FOCAD: variants seen among roughly 807,000 people sequenced by gnomAD.
FOCAD encodes the protein focadhesin.
A neutral mutation model predicts 225.6 loss-of-function variants in FOCAD; 198 were observed. The observed-to-expected ratio is 0.88, with a 90% CI of 0.78 to 0.99. The LOEUF (loss-of-function observed/expected upper bound fraction) is 0.99. Ranked by LOEUF, FOCAD falls within the 50% of genes least tolerant of loss-of-function variation. The pLI is 0.00. For synonymous variants in FOCAD, 897 were observed against 755.0 expected (o/e 1.19, Z -3.08); for missense variants, 2,713 against 2,123.6 (o/e 1.28, Z -5.46).
intron 2 of FOCAD, among the ~76,000 whole-genome samples, chr9:20,659,440 A>AAGAAAGAAAGAAAGAAAGACAGAC (rs71334544): frequency 9.8e-4 from 143 of 145,186 alleles, no homozygotes; most frequent in East Asian, 2.9e-3. Flanking sequence ...GAAAGAAAGA[A>AAGAAAGAAAGAAAGAAAGACAGAC]AGACAGACAG....
At chr9:20,850,715 G>A (rs1242422286) in intron 15 of FOCAD, among the ~76,000 whole-genome samples, 1 of 151,014 alleles carries the variant, frequency 6.6e-6, no homozygotes, top group Admixed American at 6.6e-5. Flanking sequence ...AATTTAAATT[G>A]GTATAATTGG....
chr9:20,929,013 T>A (rs1187094951), intron 26 of FOCAD: 1 of 164,028 alleles, frequency 6.1e-6, no homozygotes, highest in Non-Finnish European at 1.3e-5. Context: ...TTTGTTTTTC[T>A]GTTTTTTTGT....
chr9:20,789,211 G>T (rs547019183), intron 10 of FOCAD, 140 bp from the exon 11 acceptor site: 1 of 911,558 alleles, frequency 1.1e-6, no homozygotes, highest in East Asian at 2.6e-5. Flanking sequence ...GTGCAGAGAG[G>T]ATTTTGGCAG....
chr9:20,722,375 C>CA (rs1232798193), intron 4 of FOCAD, among the ~76,000 whole-genome samples: 1 of 152,222 alleles, frequency 6.6e-6, no homozygotes, highest in Non-Finnish European at 1.5e-5. Context: ...ACCAGCATGG[C>CA]ATGCTCCTTC....
intron 28 of FOCAD, among the ~76,000 whole-genome samples, chr9:20,940,050 G>T (rs557309916): frequency 2.0e-5 from 3 of 152,120 alleles, no homozygotes; most frequent in East Asian, 1.9e-4. Flanking sequence ...AACATGCTGC[G>T]TTTGGTTTTC....
At chr9:20,842,541 C>T (rs1348367163) in intron 15 of FOCAD, among the ~76,000 whole-genome samples, 5 of 151,814 alleles carry the variant, frequency 3.3e-5, no homozygotes, top group Non-Finnish European at 7.4e-5. Flanking sequence ...TGTCATTGCT[C>T]CTGCTCTTTT....
intron 35 of FOCAD, chr9:20,957,641 T>C (rs1022350429): frequency 6.5e-5 from 9 of 139,520 alleles, no homozygotes; most frequent in African/African-American, 2.4e-4. Context: ...AGCCCAAAGA[T>C]AGATAGATAG....
At chr9:20,849,853 C>T (rs1161287594) in intron 15 of FOCAD, among the ~76,000 whole-genome samples, 3 of 151,798 alleles carry the variant, frequency 2.0e-5, no homozygotes, top group East Asian at 1.9e-4. Context: ...AAAAGAAGGC[C>T]TATCTCTACT....
chr9:20,892,339 C>T (rs1831684394), intron 21 of FOCAD, among the ~76,000 whole-genome samples: 2 of 152,112 alleles, frequency 1.3e-5, no homozygotes, highest in Non-Finnish European at 2.9e-5. Flanking sequence ...AGTGATTCCT[C>T]TGTTGGATCT....
chr9:20,761,371 G>A (rs1829578371), intron 6 of FOCAD, among the ~76,000 whole-genome samples: 1 of 151,968 alleles, frequency 6.6e-6, no homozygotes. Flanking sequence ...ACTTACTGAA[G>A]GTTTCTTGGC....
chr9:20,814,627 A>C (rs1823462229), intron 11 of FOCAD, among the ~76,000 whole-genome samples: 1 of 151,852 alleles, frequency 6.6e-6, no homozygotes, highest in Admixed American at 6.6e-5. Context: ...CAGAGTACTG[A>C]GATTACAGGC....
chr9:20,781,618 G>A, intron 9 of FOCAD, 109 bp from the exon 10 acceptor site: 1 of 853,626 alleles, frequency 1.2e-6, no homozygotes, highest in Non-Finnish European at 1.9e-6. Flanking sequence ...GTCTGACCCA[G>A]TTATAAAAGG....
intron 5 of FOCAD, among the ~76,000 whole-genome samples, chr9:20,748,908 C>T (rs1828299134): frequency 1.3e-5 from 2 of 152,076 alleles, no homozygotes. Context: ...ATATGTTCTT[C>T]TAATTGTAGA....
intron 22 of FOCAD, among the ~76,000 whole-genome samples, chr9:20,910,783 G>A (rs1037217066): frequency 2.0e-5 from 3 of 152,060 alleles, no homozygotes; most frequent in Admixed American, 6.6e-5. Flanking sequence ...CCATGGATCT[G>A]AGTAAATAGC....
intron 15 of FOCAD, among the ~76,000 whole-genome samples, chr9:20,838,393 G>C (rs1271906117): frequency 2.6e-5 from 4 of 151,896 alleles, no homozygotes; most frequent in African/African-American, 7.3e-5. Flanking sequence ...TGTTCTCTGG[G>C]GGAGAACATT....
intron 16 of FOCAD, 113 bp downstream of exon 16, chr9:20,862,825 G>A (rs1421358584): frequency 1.1e-5 from 14 of 1,249,738 alleles, no homozygotes; most frequent in Non-Finnish European, 1.5e-5. Flanking sequence ...GTTGTTCTGA[G>A]ACCATGTTGA....
In FOCAD at chr9:20,839,284, G is replaced by T. The variant is rs563049779; in HGVS notation, c.1920+16169G>T. Among the ~76,000 whole-genome samples, 4 of 141,316 alleles carry T rather than the reference G, an allele frequency of 2.8e-5. No individual in the cohort carries two copies. In the South Asian group the frequency reaches 6.7e-4, roughly 24 times the overall value. 92.7% of individuals were successfully genotyped at this position (141,316 alleles called of 152,430 possible). A position where few individuals can be genotyped will look rare whatever the true frequency, so the allele number is the denominator to read the frequency against. ...CTTTTTTTTTTTTTTTTTGAGACTAGGTTTACTGCTGTTGCCCAAGCTGGA... is the reference window on the plus strand; with the variant it reads ...CTTTTTTTTTTTTTTTTTGAGACTATGTTTACTGCTGTTGCCCAAGCTGGA... On this transcript the variant is annotated intron_variant, in intron 15 of 43. Transcript: ENST00000338382.
rs1000391556 is a variant in FOCAD at position 20,970,332 on chromosome 9, C to T, written c.4133-6088C>T. Among the ~76,000 whole-genome samples the T allele has an allele frequency of 5.3e-5, 8 of 151,954 alleles. 1 individual carries two copies. The South Asian group carries it at 6.2e-4, about 12-fold the overall frequency. ...TATCCTTCTGAGATTCCTGTTATGC[C>T]TACGTTGGTATGCTTGATGTATCCT... On this transcript the variant is annotated intron_variant, in intron 35 of 43. Coordinates refer to ENST00000338382, the MANE Select transcript of FOCAD (RefSeq NM_001375567.1).
intron 21 of FOCAD, among the ~76,000 whole-genome samples, chr9:20,896,280 T>C (rs1040057018): frequency 2.0e-5 from 3 of 151,912 alleles, no homozygotes; most frequent in Non-Finnish European, 4.4e-5. Flanking sequence ...TTGAGGCCTT[T>C]TACATTTATG....
Sources: gnomAD v4.1 joint callset for allele counts (sites outside exome capture counted in the v4.1 genomes callset) on GRCh38, gnomAD v4.1.1 for gene constraint, MANE v1.5 for transcripts, NCBI Gene and HGNC (gene_info 2026-07-23, HGNC 2026-07-21) for gene names.